The following KBTBD12 variants were observed in gnomAD, a reference collection of about 807,000 sequenced individuals.
The protein encoded by KBTBD12 is kelch repeat and BTB domain-containing protein 12.
A neutral mutation model predicts 58.7 loss-of-function variants in KBTBD12; 53 were observed. That is an observed-to-expected ratio of 0.90 (90% CI 0.72 to 1.14). The LOEUF is 1.14. Ranked by LOEUF, KBTBD12 falls within the 50% of genes most tolerant of loss-of-function variation. The pLI, the probability that KBTBD12 is intolerant of heterozygous loss-of-function variation, is 0.00. For missense variants in KBTBD12, 704 were observed against 751.3 expected, an observed-to-expected ratio of 0.94 and a Z score of 0.74; for synonymous variants, 236 against 259.8, an observed-to-expected ratio of 0.91 and a Z score of 0.88.
intron 4 of KBTBD12, among the ~76,000 whole-genome samples, chr3:127,952,736 C>A (rs975430407): frequency 1.3e-5 from 2 of 152,210 alleles, no homozygotes; most frequent in African/African-American, 4.8e-5. Flanking sequence ...CACTAGCAAT[C>A]GTCTGACTTC....
chr3:127,944,923 T>C (rs1001960938), intron 4 of KBTBD12, among the ~76,000 whole-genome samples: 3 of 151,726 alleles, frequency 2.0e-5, no homozygotes, highest in Non-Finnish European at 4.4e-5. Context: ...GCTCTGTTGC[T>C]CAGGCTAGAG....
At chr3:127,927,085 A>G (rs1939589636) in intron 2 of KBTBD12, among the ~76,000 whole-genome samples, 2 of 152,128 alleles carry the variant, frequency 1.3e-5, no homozygotes, top group Non-Finnish European at 1.5e-5. Flanking sequence ...GAGAGACCAT[A>G]TATACTAATG....
intron 5 of KBTBD12, among the ~76,000 whole-genome samples, chr3:127,979,044 G>T (rs1576397737): frequency 6.6e-6 from 1 of 152,292 alleles, no homozygotes; most frequent in South Asian, 2.1e-4. Context: ...TGGAAACACA[G>T]CCCACAGAAG....
chr3:127,983,038 T>TG (rs1940899993), intron 5 of KBTBD12, among the ~76,000 whole-genome samples: 1 of 152,204 alleles, frequency 6.6e-6, no homozygotes, highest in South Asian at 2.1e-4. Flanking sequence ...GCCTCCTCTA[T>TG]GGGGGTGGAA....
chr3:127,972,778 T>A (rs1184533956), intron 5 of KBTBD12, among the ~76,000 whole-genome samples: 2 of 152,182 alleles, frequency 1.3e-5, no homozygotes, highest in Non-Finnish European at 2.9e-5. Context: ...CTGGCCAGAT[T>A]CAAAATAATT....
At chr3:127,962,915 T>C (rs887777997) in intron 4 of KBTBD12, among the ~76,000 whole-genome samples, 2 of 152,224 alleles carry the variant, frequency 1.3e-5, no homozygotes, top group African/African-American at 4.8e-5. Context: ...TGAACCAGCA[T>C]TGGATATTAT....
chr3:127,976,151 A>G (rs985192662), intron 5 of KBTBD12, among the ~76,000 whole-genome samples: 3 of 152,134 alleles, frequency 2.0e-5, no homozygotes, highest in Admixed American at 1.3e-4. Context: ...AGTGTGTAGA[A>G]TCTGAATATT....
At chr3:127,983,877 C>A (rs1013923632) in intron 5 of KBTBD12, among the ~76,000 whole-genome samples, 4 of 152,190 alleles carry the variant, frequency 2.6e-5, no homozygotes, top group African/African-American at 7.2e-5. Context: ...AGGCTCCCAC[C>A]AGATGCAGAT....
intron 4 of KBTBD12, among the ~76,000 whole-genome samples, chr3:127,951,513 A>C (rs1940202408): frequency 1.3e-5 from 2 of 152,138 alleles, no homozygotes; most frequent in Non-Finnish European, 2.9e-5. Flanking sequence ...GCTGTCTCTG[A>C]CTGGTTGATT....
chr3:127,959,156 C>A (rs1308103967), intron 4 of KBTBD12, among the ~76,000 whole-genome samples: 1 of 152,202 alleles, frequency 6.6e-6, no homozygotes, highest in Non-Finnish European at 1.5e-5. Flanking sequence ...TGAAACAAAT[C>A]ATCACAAGCA....
rs893424400 is a variant in KBTBD12 at position 127,929,988 on chromosome 3, T to G, written c.1342-145T>G. The G allele has an allele frequency of 1.1e-5, 7 of 641,902 alleles. No individual in the cohort carries two copies. The African/African-American group carries it at 1.1e-4, about 10-fold the overall frequency. 39.8% of individuals were successfully genotyped at this position (641,902 alleles called of 1,614,324 possible). On this transcript the variant is annotated intron_variant, in intron 3 of 5. Transcript: ENST00000405109. ...GACAGTATACTTATAACCCCCGTCA[T>G]GGGGTTTGGTGTGTTTGTGAGTATG...
chr3:127,957,642 C>A (rs1263702669), intron 4 of KBTBD12, among the ~76,000 whole-genome samples: 1 of 151,808 alleles, frequency 6.6e-6, no homozygotes, highest in Admixed American at 6.6e-5. Flanking sequence ...ACCGCTCCCC[C>A]AACCGCCACC....
chr3:127,922,932 CTTTT>C lies in KBTBD12; in HGVS notation c.-112-15_-112-12del. 1.7e-6 allele frequency: 1 copy of C among 598,922 alleles called. No homozygotes were observed. Among genetic ancestry groups the C allele is most frequent in the South Asian group, 2.6e-5 (1 of 38,870 alleles). 37.1% of individuals were successfully genotyped at this position (598,922 alleles called of 1,614,324 possible). A position where few individuals can be genotyped will look rare whatever the true frequency, so the allele number is the denominator to read the frequency against. ...GAATTTTTTCTTAGAAGGAAACTGC[CTTTT>C]TTCTTTCCCTTAGAAATGTTTCCTG... On this transcript the variant is annotated splice_polypyrimidine_tract_variant and intron_variant, in intron 1 of 5. Transcript: ENST00000405109.
chr3:127,933,568 T>C (rs949619202), intron 4 of KBTBD12, among the ~76,000 whole-genome samples: 3 of 152,028 alleles, frequency 2.0e-5, no homozygotes, highest in East Asian at 1.9e-4. Flanking sequence ...TGCAGCGCCA[T>C]AGACAGCCCA....
In KBTBD12 at chr3:127,928,029, C is replaced by T; in HGVS notation, c.1336C>T (p.Pro446Ser). 1.2e-6 allele frequency: 2 copies of T among 1,613,058 alleles called. No homozygotes were observed. Among genetic ancestry groups the T allele is most frequent in the Non-Finnish European group, 8.5e-7 (1 of 1,179,370 alleles). The change falls in exon 3 of 6, where the codon CCT becomes TCT. Residue 446 changes from proline (P) to serine (S), a missense_variant. Pro to Ser is a moderately conservative substitution (Grantham distance 74). Coordinates refer to ENST00000405109, the MANE Select transcript of KBTBD12 (RefSeq NM_207335.4). The part of the protein sequence containing the change: ...NKLYVIGGWT[P>S]QMDLPDEEPD... ...ACTTTATGTAATTGGAGGCTGGACC[C>T]CTCAGGTTAAGAAATTTCCTGTATA...
intron 3 of KBTBD12, among the ~76,000 whole-genome samples, chr3:127,929,292 A>T (rs1939645125): frequency 6.6e-6 from 1 of 152,212 alleles, no homozygotes; most frequent in Non-Finnish European, 1.5e-5. Flanking sequence ...CATGGTGAGC[A>T]TAACTCTTGG....
intron 4 of KBTBD12, among the ~76,000 whole-genome samples, chr3:127,946,532 T>C (rs1210031923): frequency 2.6e-5 from 4 of 152,242 alleles, no homozygotes; most frequent in Non-Finnish European, 4.4e-5. Context: ...GTGCCCTTTT[T>C]TCTCTGACTT....
intron 3 of KBTBD12, among the ~76,000 whole-genome samples, chr3:127,928,858 A>C (rs1359376871): frequency 1.3e-5 from 2 of 152,182 alleles, no homozygotes; most frequent in Non-Finnish European, 2.9e-5. Flanking sequence ...TTCATTCCAG[A>C]AGCTTGGATT....
chr3:127,931,153 T>G (rs562598044), intron 4 of KBTBD12, among the ~76,000 whole-genome samples: 16 of 152,028 alleles, frequency 1.1e-4, no homozygotes, highest in Non-Finnish European at 1.5e-4. Flanking sequence ...AAGGAAGAAA[T>G]ATGAAATAGG....
Sources: gnomAD v4.1 joint callset for allele counts (sites outside exome capture counted in the v4.1 genomes callset) on GRCh38, gnomAD v4.1.1 for gene constraint, MANE v1.5 for transcripts, NCBI Gene and HGNC (gene_info 2026-07-23, HGNC 2026-07-21) for gene names.